The following ANKRD40CL variants were observed in gnomAD, a reference collection of about 807,000 sequenced individuals.
The protein encoded by ANKRD40CL is ANKRD40 C-terminal like, also known as putative ANKRD40 C-terminal-like protein.
For missense variants in ANKRD40CL, 11 were observed against 6.4 expected (o/e 1.71, Z -0.77); for synonymous variants, 5 against 2.3 (o/e 2.14, Z -1.04).
intron 2 of ANKRD40CL, 129 bp from the exon 3 acceptor site, chr17:50,763,686 C>G: frequency 2.5e-6 from 1 of 397,022 alleles, no homozygotes; most frequent in Non-Finnish European, 4.4e-6. Context: ...GTTAAGTAGA[C>G]ATGGAGCTTT....
intron 2 of ANKRD40CL, among the ~76,000 whole-genome samples, chr17:50,765,950 A>C (rs78550571): frequency 0.042 from 6,437 of 152,232 alleles, 139 homozygotes; most frequent in East Asian, 0.1. Context: ...GGCTAAAATT[A>C]TGACACATTT....
rs1235510044 is a variant in ANKRD40CL at position 50,762,636 on chromosome 17, G to A, written c.201+761C>T. On this transcript the variant is annotated intron_variant, in intron 3 of 3. Transcript: ENST00000450727. ...AAAGCTTTAAAGAAAAATTTCCAAA[G>A]AAATAAGATTTCCTTTCCAAAATTA... is the stretch of plus-strand genomic sequence containing the variant. 2.0e-5 allele frequency among the ~76,000 whole-genome samples: 3 copies of A among 152,054 alleles called. No individual in the cohort carries two copies. The East Asian group carries it at 5.8e-4, about 29-fold the overall frequency.
At chr17:50,765,003 C>A (rs1971271912) in intron 2 of ANKRD40CL, 2 of 152,102 alleles carry the variant, frequency 1.3e-5, no homozygotes, top group African/African-American at 2.4e-5. Context: ...AGGTGAAGAG[C>A]TTTTCACAGG....
intron 1 of ANKRD40CL, chr17:50,767,237 G>A: frequency 1.8e-6 from 1 of 552,494 alleles, no homozygotes; most frequent in Middle Eastern, 2.8e-4. Flanking sequence ...GTGCCCTTCG[G>A]AGGGGAGGCC....
intron 3 of ANKRD40CL, among the ~76,000 whole-genome samples, chr17:50,762,055 T>A (rs1385138992): frequency 6.6e-6 from 1 of 151,868 alleles, no homozygotes; most frequent in Non-Finnish European, 1.5e-5. Context: ...CCACTTCCAC[T>A]GCAGCCTCCC....
rs1159627073 is a variant in ANKRD40CL at position 50,763,540 on chromosome 17, T to G, written c.58A>C (p.Lys20Gln). The G allele has an allele frequency of 5.0e-6, 2 of 398,970 alleles. No individual in the cohort carries two copies. The highest frequency in any genetic ancestry group is 8.8e-6 in the Non-Finnish European group (2 of 226,078). The allele number at this position is 398,970 out of a possible 1,614,324, so 24.7% of individuals were successfully genotyped here. A position where few individuals can be genotyped will look rare whatever the true frequency, so the allele number is the denominator to read the frequency against. The change falls in exon 3 of 4, where the codon AAA becomes CAA. Residue 20 changes from lysine to glutamine, a missense_variant. Physicochemically the swap from Lys to Gln is moderately conservative, Grantham distance 53. Coordinates refer to ENST00000450727, the MANE Select transcript of ANKRD40CL (RefSeq NM_001358683.3). ...EKPAVRIQNP[K>Q]ENDFIEIELK... ...TCAATTTCAATGAAGTCATTTTCTTTGGGGTTCTGAATTCTGACTTTAAAC... is the reference window on the plus strand; with the variant it reads ...TCAATTTCAATGAAGTCATTTTCTTGGGGGTTCTGAATTCTGACTTTAAAC...
At chr17:50,763,944 C>T (rs907103142) in intron 2 of ANKRD40CL, 1 of 390,998 alleles carries the variant, frequency 2.6e-6, no homozygotes, top group Non-Finnish European at 4.5e-6. Context: ...GCCCTGGTGT[C>T]CTTAAAGAAG....
rs753479829 is a variant in ANKRD40CL, at chr17:50,767,102, G to A, written c.-98-91C>T. On this transcript the variant is annotated intron_variant, in intron 1 of 3. Coordinates refer to ENST00000450727, the MANE Select transcript of ANKRD40CL (RefSeq NM_001358683.3). ...TAGATAGGGAAAAGGAGGCTGCAGC[G>A]TGTGGCATGATTTGCACAGGGTGAG... is the stretch of plus-strand genomic sequence containing the variant. 49 of 691,960 alleles carry A rather than the reference G, an allele frequency of 7.1e-5. 2 individuals carry two copies. Among genetic ancestry groups the A allele is most frequent in the African/African-American group, 2.1e-4 (12 of 56,330 alleles). 42.9% of individuals were successfully genotyped at this position (691,960 alleles called of 1,614,324 possible). A position where few individuals can be genotyped will look rare whatever the true frequency, so the allele number is the denominator to read the frequency against.
intron 1 of ANKRD40CL, 161 bp from the exon 2 acceptor site, chr17:50,767,172 C>T (rs1431659555): frequency 1.5e-6 from 1 of 647,118 alleles, no homozygotes. Context: ...ACTCTCTTCT[C>T]AGGCTGTCCC....
intron 2 of ANKRD40CL, chr17:50,764,745 ACT>A (rs1971267865): frequency 6.6e-6 from 1 of 152,288 alleles, no homozygotes; most frequent in Non-Finnish European, 1.5e-5. Context: ...TGCACCAGGC[ACT>A]GGGCTAAGCC....
rs74429623 is a variant in ANKRD40CL, at chr17:50,767,101, C to T, written c.-98-90G>A. 1.9e-3 allele frequency: 1,284 copies of T among 684,182 alleles called. 107 individuals carry two copies. The African/African-American group carries it at 0.024, about 13-fold the overall frequency. The allele number at this position is 684,182 out of a possible 1,614,324, so 42.4% of individuals were successfully genotyped here. ...ATAGATAGGGAAAAGGAGGCTGCAG[C>T]GTGTGGCATGATTTGCACAGGGTGA... On this transcript the variant is annotated intron_variant, in intron 1 of 3. Transcript: ENST00000450727.
rs573926267 is a variant in ANKRD40CL at position 50,763,705 on chromosome 17, C to T, written c.41-148G>A. Reference sequence around the variant, plus strand: ...AGTAGACATGGAGCTTTCATGGGCACATACACACTTTGCATTAGCTGAGGG... The same window carrying T: ...AGTAGACATGGAGCTTTCATGGGCATATACACACTTTGCATTAGCTGAGGG... On this transcript the variant is annotated intron_variant, in intron 2 of 3. Coordinates refer to ENST00000450727, the MANE Select transcript of ANKRD40CL (RefSeq NM_001358683.3). 3.0e-4 allele frequency: 118 copies of T among 396,306 alleles called. 2 individuals are homozygous for T. Among genetic ancestry groups the T allele is most frequent in the African/African-American group, 2.2e-3 (109 of 48,736 alleles). 24.5% of individuals were successfully genotyped at this position (396,306 alleles called of 1,614,324 possible). A position where few individuals can be genotyped will look rare whatever the true frequency, so the allele number is the denominator to read the frequency against.
chr17:50,762,419 A>G (rs554221906), intron 3 of ANKRD40CL, among the ~76,000 whole-genome samples: 357 of 152,280 alleles, frequency 2.3e-3, no homozygotes, highest in Non-Finnish European at 4.3e-3. Context: ...CATTTCAAAA[A>G]AAAGAAATTA....
Position 50,763,451 on chromosome 17 carries a change from A to T in ANKRD40CL, c.147T>A (p.Ile49=). The T allele has an allele frequency of 2.5e-6, 1 of 399,086 alleles. No individual in the cohort carries two copies. The highest frequency in any genetic ancestry group is 3.6e-5 in the East Asian group (1 of 28,082). The allele number at this position is 399,086 out of a possible 1,614,324, so 24.7% of individuals were successfully genotyped here. A position where few individuals can be genotyped will look rare whatever the true frequency, so the allele number is the denominator to read the frequency against. The change falls in exon 3 of 4, where the codon ATT becomes ATA. Residue 49 remains isoleucine (I), a synonymous_variant. Transcript: ENST00000450727. ...TGATCTTCTCCACTCGTTCTGGTTT[A>T]ATCCCCAGTTCACAGCAACTCACGT... ...LLNVSCCELG[I]KPERVEKIRK...
At chr17:50,767,283 AG>A (rs1462628660) in intron 1 of ANKRD40CL, 179 bp downstream of exon 1, 4 of 451,236 alleles carry the variant, frequency 8.9e-6, no homozygotes, top group Non-Finnish European at 1.7e-5. Flanking sequence ...AGACCCGAGA[AG>A]GGGGCCAGGC....
chr17:50,767,145 C>G (rs940788580), intron 1 of ANKRD40CL, 134 bp from the exon 2 acceptor site: 1 of 671,190 alleles, frequency 1.5e-6, no homozygotes, highest in African/African-American at 1.8e-5. Flanking sequence ...AAGGAAGGTA[C>G]TGAAGTAAGG....
intron 2 of ANKRD40CL, among the ~76,000 whole-genome samples, chr17:50,765,993 G>C (rs1467688702): frequency 6.6e-6 from 1 of 152,064 alleles, no homozygotes; most frequent in East Asian, 1.9e-4. Flanking sequence ...TGAACCCCAA[G>C]CCCAGGGCCT....
At chr17:50,763,790 G>A (rs9904220) in intron 2 of ANKRD40CL, 6,667 of 382,882 alleles carry the variant, frequency 0.017, 408 homozygotes, top group African/African-American at 0.12. Flanking sequence ...ATCCACTGAA[G>A]ACAGAAAGCT....
rs141749260 is a variant in ANKRD40CL at position 50,765,908 on chromosome 17, C to T, written c.40+966G>A. ...CCAACCCTGGCACATGCTCCATTGT[C>T]CCATCGGACACCACTTACAAAACAA... On this transcript the variant is annotated intron_variant, in intron 2 of 3. Coordinates refer to ENST00000450727, the MANE Select transcript of ANKRD40CL (RefSeq NM_001358683.3). Among the ~76,000 whole-genome samples, 711 of 152,326 alleles carry T rather than the reference C, an allele frequency of 4.7e-3. 9 individuals are homozygous for T. The highest frequency in any genetic ancestry group is 0.016 in the African/African-American group (658 of 41,576).
Sources: allele counts gnomAD v4.1 joint callset (sites outside exome capture counted in the v4.1 genomes callset), GRCh38; gene constraint gnomAD v4.1.1; transcripts MANE v1.5; gene names NCBI Gene and HGNC (gene_info 2026-07-23, HGNC 2026-07-21).